Variants in NOS1AP observed in about 807,000 individuals in gnomAD.
The protein encoded by NOS1AP is carboxyl-terminal PDZ ligand of neuronal nitric oxide synthase protein.
In NOS1AP, 21 loss-of-function variants were observed where a neutral mutation model predicts 56.2. That is an observed-to-expected ratio of 0.37 (90% CI 0.26 to 0.54). The LOEUF (loss-of-function observed/expected upper bound fraction) is 0.54, where lower values mean the gene tolerates loss of function less well. Ranked by LOEUF, NOS1AP falls within the 20% of genes least tolerant of loss-of-function variation. The pLI is 0.84. For missense variants in NOS1AP, 522 were observed against 657.8 expected (o/e 0.79, Z 2.26); for synonymous variants, 270 against 274.6 (o/e 0.98, Z 0.17).
At chr1:162,346,246 C>T (rs1490795509) in intron 6 of NOS1AP, among the ~76,000 whole-genome samples, 1 of 152,070 alleles carries the variant, frequency 6.6e-6, no homozygotes, top group African/African-American at 2.4e-5. Flanking sequence ...GGTTACATAG[C>T]AAAGAATTTG....
intron 2 of NOS1AP, among the ~76,000 whole-genome samples, chr1:162,198,847 C>T (rs148736005): frequency 1.3e-5 from 2 of 152,222 alleles, no homozygotes; most frequent in Non-Finnish European, 2.9e-5. Flanking sequence ...TGCACCAGCA[C>T]CACTATTCAT....
In NOS1AP at chr1:162,261,539, A is replaced by AGAGAGAGAAGAGAG. The variant is rs1571170434; in HGVS notation, c.178-25798_178-25797insAAGAGAGGAGAGAG. Among the ~76,000 whole-genome samples the AGAGAGAGAAGAGAG allele has an allele frequency of 2.4e-4, 4 of 16,912 alleles. 1 individual carries two copies. The highest frequency in any genetic ancestry group is 5.4e-4 in the African/African-American group (4 of 7,420). 11.1% of individuals were successfully genotyped at this position (16,912 alleles called of 152,430 possible). ...GAGAGAGAGAGAGAGAGAGAGAGAG[A>AGAGAGAGAAGAGAG]GAGAGAGCAATGAAATGACTGGAAC... On this transcript the variant is annotated intron_variant, in intron 2 of 9. Transcript: ENST00000361897.
At chr1:162,076,798 T>G (rs1253635274) in intron 1 of NOS1AP, among the ~76,000 whole-genome samples, 1 of 152,244 alleles carries the variant, frequency 6.6e-6, no homozygotes, top group Admixed American at 6.5e-5. Context: ...CTACTTGCTG[T>G]CTCTAGATTT....
intron 2 of NOS1AP, among the ~76,000 whole-genome samples, chr1:162,192,306 G>A (rs1460963824): frequency 6.6e-6 from 1 of 152,178 alleles, no homozygotes; most frequent in Non-Finnish European, 1.5e-5. Context: ...TTAGACTCTA[G>A]TGTGAAAGTT....
In NOS1AP at chr1:162,368,919, A is replaced by G. The variant is rs1177322986; in HGVS notation, c.*1452A>G. The G allele has an allele frequency of 6.6e-6, 1 of 152,228 alleles. No homozygotes were observed. Among genetic ancestry groups the G allele is most frequent in the Non-Finnish European group, 1.5e-5 (1 of 68,044 alleles). 9.4% of individuals were successfully genotyped at this position (152,228 alleles called of 1,614,324 possible). ...TTCATCGACCCTAGCTTTCCTTTAG[A>G]TTATATATAAATAAAAGTGCAGTCC... On this transcript the variant is annotated 3_prime_UTR_variant, in exon 10 of 10. Transcript: ENST00000361897.
chr1:162,153,338 A>G (rs1411805730), intron 1 of NOS1AP, among the ~76,000 whole-genome samples: 1 of 152,218 alleles, frequency 6.6e-6, no homozygotes, highest in Non-Finnish European at 1.5e-5. Context: ...CATGTTGGCC[A>G]GGCTGGTCTC....
chr1:162,177,739 G>A (rs1202848703), intron 2 of NOS1AP, among the ~76,000 whole-genome samples: 1 of 151,802 alleles, frequency 6.6e-6, no homozygotes, highest in Non-Finnish European at 1.5e-5. Context: ...GGAAAGTTTG[G>A]GGATCCCATA....
chr1:162,361,335 A>G (rs1197804709), intron 8 of NOS1AP, among the ~76,000 whole-genome samples: 1 of 152,196 alleles, frequency 6.6e-6, no homozygotes, highest in African/African-American at 2.4e-5. Flanking sequence ...TGTTGTATGA[A>G]TGGGGAAACA....
chr1:162,292,491 A>G (rs896456935), intron 3 of NOS1AP, among the ~76,000 whole-genome samples: 1 of 152,244 alleles, frequency 6.6e-6, no homozygotes, highest in African/African-American at 2.4e-5. Flanking sequence ...TATTAGGTAG[A>G]TACCATTCTT....
chr1:162,261,150 A>AGAGAGAGAGAGAGAGAGAGAGAG, intron 2 of NOS1AP, among the ~76,000 whole-genome samples: 1 of 139,458 alleles, frequency 7.2e-6, no homozygotes, highest in African/African-American at 2.7e-5. Context: ...TGGCAGAAAC[A>AGAGAGAGAGAGAGAGAGAGAGAG]ACCAGTAAAT....
rs72700171 is a variant in NOS1AP at position 162,339,545 on chromosome 1, G to A, written c.454-4290G>A. ...CCTCTGCTTTAGTCTCCAAAGGCCTGTATGTCGTCATGAGGTGGGAGCAAC... is the reference window on the plus strand; with the variant it reads ...CCTCTGCTTTAGTCTCCAAAGGCCTATATGTCGTCATGAGGTGGGAGCAAC... On this transcript the variant is annotated intron_variant, in intron 5 of 9. Coordinates refer to ENST00000361897, the MANE Select transcript of NOS1AP (RefSeq NM_014697.3). Among the ~76,000 whole-genome samples the A allele has an allele frequency of 3.6e-3, 546 of 152,280 alleles. 4 individuals carry two copies. The highest frequency in any genetic ancestry group is 6.2e-3 in the Admixed American group (95 of 15,300).
At chr1:162,117,890 G>A (rs1332827088) in intron 1 of NOS1AP, among the ~76,000 whole-genome samples, 2 of 152,116 alleles carry the variant, frequency 1.3e-5, no homozygotes, top group Non-Finnish European at 2.9e-5. Context: ...GGAGCCTAAC[G>A]GTCCTTCATG....
At chr1:162,217,829 G>A (rs1257036299) in intron 2 of NOS1AP, among the ~76,000 whole-genome samples, 4 of 152,268 alleles carry the variant, frequency 2.6e-5, no homozygotes, top group South Asian at 2.1e-4. Flanking sequence ...GTTTATGACC[G>A]AGACTGGAGA....
intron 2 of NOS1AP, among the ~76,000 whole-genome samples, chr1:162,268,870 G>A (rs1323231378): frequency 6.6e-6 from 1 of 152,056 alleles, no homozygotes; most frequent in Non-Finnish European, 1.5e-5. Flanking sequence ...GCAAATTAGA[G>A]AATCAATCTA....
In NOS1AP at chr1:162,209,477, A is replaced by G. The variant is rs111308195; in HGVS notation, c.177+55001A>G. Among the ~76,000 whole-genome samples the G allele has an allele frequency of 9.9e-3, 1,512 of 152,290 alleles. 11 individuals carry two copies. Among genetic ancestry groups the G allele is most frequent in the Middle Eastern group, 0.017 (5 of 294 alleles). ...AACCTCTGGATGTGAGGAGAGCTCAAATATAACCTTGGGTGTTCTGCTAAG... is the reference window on the plus strand; with the variant it reads ...AACCTCTGGATGTGAGGAGAGCTCAGATATAACCTTGGGTGTTCTGCTAAG... On this transcript the variant is annotated intron_variant, in intron 2 of 9. Transcript: ENST00000361897.
At chr1:162,209,873 T>C (rs2101645473) in intron 2 of NOS1AP, among the ~76,000 whole-genome samples, 1 of 152,088 alleles carries the variant, frequency 6.6e-6, no homozygotes, top group African/African-American at 2.4e-5. Context: ...TGGTCATCAG[T>C]GTTGTTGGAA....
chr1:162,158,801 A>G (rs1233868424), intron 2 of NOS1AP, among the ~76,000 whole-genome samples: 1 of 152,200 alleles, frequency 6.6e-6, no homozygotes, highest in Non-Finnish European at 1.5e-5. Flanking sequence ...CACTCCCCAG[A>G]ACTACAGGAT....
rs147060051 is a variant in NOS1AP, at chr1:162,247,512, G to A, written c.178-39832G>A. 6.8e-3 allele frequency among the ~76,000 whole-genome samples: 1,039 copies of A among 152,252 alleles called. 5 individuals carry two copies. The highest frequency in any genetic ancestry group is 8.4e-3 in the Non-Finnish European group (572 of 68,002). On this transcript the variant is annotated intron_variant, in intron 2 of 9. Coordinates refer to ENST00000361897, the MANE Select transcript of NOS1AP (RefSeq NM_014697.3). ...TGTGAGTGCTTATTTTGCAAGATGA[G>A]TTCAAAGTTTATGTTGTCTTTATAA...
chr1:162,272,294 C>T (rs1390009283), intron 2 of NOS1AP, among the ~76,000 whole-genome samples: 2 of 152,160 alleles, frequency 1.3e-5, no homozygotes, highest in Non-Finnish European at 2.9e-5. Context: ...ACATTTATCC[C>T]ACAACAACCT....
Sources: gnomAD v4.1 joint callset for allele counts (sites outside exome capture counted in the v4.1 genomes callset) on GRCh38, gnomAD v4.1.1 for gene constraint, MANE v1.5 for transcripts, NCBI Gene and HGNC (gene_info 2026-07-23, HGNC 2026-07-21) for gene names.